TRPC6: variants seen among roughly 807,000 people sequenced by gnomAD.
The protein encoded by TRPC6 is transient receptor potential cation channel subfamily C member 6.
In TRPC6, 55 loss-of-function variants were observed where a neutral mutation model predicts 90.7. The ratio of observed to expected loss-of-function variants is 0.61; its 90% CI spans 0.49 to 0.76. TRPC6 has a LOEUF of 0.76. Ranked by LOEUF, TRPC6 falls within the 30% of genes least tolerant of loss-of-function variation. TRPC6 has a pLI of 0.00. For synonymous variants in TRPC6, 393 were observed against 393.0 expected, an observed-to-expected ratio of 1.00 and a Z score of 0.00; for missense variants, 989 against 1,122.7, an observed-to-expected ratio of 0.88 and a Z score of 1.70.
At chr11:101,543,206 T>C (rs1475940935) in intron 1 of TRPC6, among the ~76,000 whole-genome samples, 13 of 152,010 alleles carry the variant, frequency 8.6e-5, no homozygotes, top group African/African-American at 2.7e-4. Context: ...ACTGACCACA[T>C]CTAGTTTGGC....
chr11:101,582,056 T>C (rs916579353), intron 1 of TRPC6, among the ~76,000 whole-genome samples: 1 of 152,236 alleles, frequency 6.6e-6, no homozygotes, highest in Non-Finnish European at 1.5e-5. Flanking sequence ...TAGTGCATTG[T>C]ACAAGTTAAA....
chr11:101,576,601 A>G (rs1862076213), intron 1 of TRPC6, among the ~76,000 whole-genome samples: 1 of 152,210 alleles, frequency 6.6e-6, no homozygotes, highest in African/African-American at 2.4e-5. Flanking sequence ...AAGCCATCAG[A>G]AGATTCCTAA....
Position 101,583,373 on chromosome 11 carries a change from G to A in TRPC6, c.131C>T (p.Pro44Leu). The A allele has an allele frequency of 6.3e-7, 1 of 1,594,002 alleles. No homozygotes were observed. The highest frequency in any genetic ancestry group is 8.5e-7 in the Non-Finnish European group (1 of 1,170,690). Residue 44 changes from proline (P) to leucine (L), a missense_variant, in exon 1 of 13, where the codon CCG becomes CTG. Coordinates refer to ENST00000344327, the MANE Select transcript of TRPC6 (RefSeq NM_004621.6). ...MDSELGEDGC[P>L]QAPLPCYGYY... ...GCCGTAGCAAGGCAGCGGGGCTTGC[G>A]GGCAGCCGTCTTCTCCCAGCTCCGA...
At chr11:101,472,920 A>C (rs1479632931) in intron 7 of TRPC6, among the ~76,000 whole-genome samples, 1 of 152,068 alleles carries the variant, frequency 6.6e-6, no homozygotes, top group African/African-American at 2.4e-5. Flanking sequence ...GCTTCTTATT[A>C]TAACACTGAA....
At chr11:101,472,909 T>C (rs760469535) in intron 7 of TRPC6, among the ~76,000 whole-genome samples, 7 of 152,100 alleles carry the variant, frequency 4.6e-5, no homozygotes, top group Non-Finnish European at 7.4e-5. Flanking sequence ...TTTCAGTTGT[T>C]GCTTCTTATT....
intron 1 of TRPC6, among the ~76,000 whole-genome samples, chr11:101,575,242 A>G (rs1862047388): frequency 6.6e-6 from 1 of 152,208 alleles, no homozygotes; most frequent in Non-Finnish European, 1.5e-5. Flanking sequence ...GCCTTTTGCA[A>G]TCTTTAGTCA....
intron 1 of TRPC6, among the ~76,000 whole-genome samples, chr11:101,513,118 G>A (rs918983756): frequency 6.6e-6 from 1 of 152,216 alleles, no homozygotes; most frequent in Non-Finnish European, 1.5e-5. Flanking sequence ...ACCTGACAGT[G>A]GCCCTGACCT....
intron 10 of TRPC6, among the ~76,000 whole-genome samples, chr11:101,466,446 C>A (rs1257548644): frequency 6.6e-6 from 1 of 152,258 alleles, no homozygotes; most frequent in Non-Finnish European, 1.5e-5. Flanking sequence ...AGTGGCCTTG[C>A]TGAGCTGCAG....
At chr11:101,534,899 A>G (rs1861001376) in intron 1 of TRPC6, among the ~76,000 whole-genome samples, 1 of 152,220 alleles carries the variant, frequency 6.6e-6, no homozygotes, top group South Asian at 2.1e-4. Context: ...GTAGTAGCTT[A>G]TGCCTGTAAT....
intron 1 of TRPC6, among the ~76,000 whole-genome samples, chr11:101,540,868 G>A (rs1011438176): frequency 1.9e-4 from 29 of 152,072 alleles, no homozygotes; most frequent in Non-Finnish European, 2.9e-4. Context: ...GGAGATAAAG[G>A]CACGCAGGAA....
chr11:101,576,003 C>A (rs1862061957), intron 1 of TRPC6, among the ~76,000 whole-genome samples: 1 of 152,132 alleles, frequency 6.6e-6, no homozygotes, highest in South Asian at 2.1e-4. Flanking sequence ...GAATAGAGGA[C>A]TGAGATATGG....
intron 5 of TRPC6, among the ~76,000 whole-genome samples, chr11:101,482,237 G>A (rs116582108): frequency 0.011 from 1,600 of 152,160 alleles, 22 homozygotes; most frequent in African/African-American, 0.036. Context: ...TAGTATCCTC[G>A]TTACTTAACA....
At position 101,491,564 on chromosome 11, in the gene TRPC6, C is replaced by G. The variant is rs887307136; in HGVS notation, c.1120G>C (p.Val374Leu). The G allele has an allele frequency of 1.5e-5, 25 of 1,613,310 alleles. No individual in the cohort carries two copies. Among genetic ancestry groups the G allele is most frequent in the Non-Finnish European group, 2.1e-5 (25 of 1,179,678 alleles). The change falls in exon 3 of 13, where the codon GTA becomes CTA. Residue 374 changes from valine to leucine, a missense_variant. This residue lies in a region of TRPC6 where 486 missense variants were observed against 591.9 expected (regional missense o/e 0.82). Coordinates refer to ENST00000344327, the MANE Select transcript of TRPC6 (RefSeq NM_004621.6). ...TTCACGCCTGACCTTACTTTTTTTA[C>G]TTCATATTTAATGGCAAGTTTTAAA... ...SRLKLAIKYE[V>L]KKFVAHPNCQ...
intron 1 of TRPC6, among the ~76,000 whole-genome samples, chr11:101,570,008 A>G (rs1248883227): frequency 6.6e-6 from 1 of 152,170 alleles, no homozygotes; most frequent in Non-Finnish European, 1.5e-5. Flanking sequence ...GAAGACAAGA[A>G]ATAAGTAAGA....
chr11:101,566,460 C>G (rs1333096372), intron 1 of TRPC6, among the ~76,000 whole-genome samples: 1 of 152,098 alleles, frequency 6.6e-6, no homozygotes, highest in Non-Finnish European at 1.5e-5. Context: ...CATAGGTATT[C>G]TATCAACATG....
rs552471650 is a variant in TRPC6 at position 101,545,880 on chromosome 11, T to C, written c.170+37454A>G. Among the ~76,000 whole-genome samples the C allele has an allele frequency of 2.1e-4, 32 of 152,176 alleles. No homozygotes were observed. The East Asian group carries it at 6.0e-3, about 29-fold the overall frequency. ...TCTGACCTATTTACACGTGTAGCATTTCTGGTGTTTTCTGGTTTTCACACA... is the reference window on the plus strand; with the variant it reads ...TCTGACCTATTTACACGTGTAGCATCTCTGGTGTTTTCTGGTTTTCACACA... On this transcript the variant is annotated intron_variant, in intron 1 of 12. Coordinates refer to ENST00000344327, the MANE Select transcript of TRPC6 (RefSeq NM_004621.6).
intron 5 of TRPC6, among the ~76,000 whole-genome samples, chr11:101,481,874 T>A (rs1225333732): frequency 1.3e-5 from 2 of 152,186 alleles, no homozygotes; most frequent in African/African-American, 4.8e-5. Context: ...ATCACTCGCA[T>A]CCATAAATGC....
chr11:101,558,218 T>TGTATAC (rs1565243108), intron 1 of TRPC6, among the ~76,000 whole-genome samples: 57 of 55,272 alleles, frequency 1.0e-3, no homozygotes, highest in African/African-American at 2.2e-3. Flanking sequence ...TACATGTATA[T>TGTATAC]ATGTATACAT....
At position 101,526,861 on chromosome 11, in the gene TRPC6, C is replaced by CAAAAAAAAAAAAAAAAAAAAAAAAAAA. The variant is rs573864895; in HGVS notation, c.171-22090_171-22064dup. On this transcript the variant is annotated intron_variant, in intron 1 of 12. Transcript: ENST00000344327. Reference sequence around the variant, plus strand: ...CCTGGGTGACAGAAGGAGACTGTCTCAAAAAAAAAAAAAAAAAAAAAAAAA... The same window carrying CAAAAAAAAAAAAAAAAAAAAAAAAAAA: ...CCTGGGTGACAGAAGGAGACTGTCTCAAAAAAAAAAAAAAAAAAAAAAAAAAAAAAAAAAAAAAAAAAAAAAAAAAAA... Among the ~76,000 whole-genome samples the CAAAAAAAAAAAAAAAAAAAAAAAAAAA allele has an allele frequency of 5.5e-5, 2 of 36,132 alleles. 1 individual carries two copies. The highest frequency in any genetic ancestry group is 9.3e-5 in the Non-Finnish European group (2 of 21,420). The allele number at this position is 36,132 out of a possible 152,430, so 23.7% of individuals were successfully genotyped here.
Sources: gnomAD v4.1 joint callset for allele counts (sites outside exome capture counted in the v4.1 genomes callset) on GRCh38, gnomAD v4.1.1 for gene constraint, gnomAD v4.1.1 regional missense constraint, MANE v1.5 for transcripts, NCBI Gene and HGNC (gene_info 2026-07-23, HGNC 2026-07-21) for gene names.